RAB4A: variants seen among roughly 807,000 people sequenced by gnomAD.
RAB4A encodes the protein ras-related protein Rab-4A.
RAB4A carries 20 observed loss-of-function variants against 34.5 expected under a neutral mutation model. That is an observed-to-expected ratio of 0.58 (90% CI 0.41 to 0.84). RAB4A has a LOEUF of 0.84. Ranked by LOEUF, RAB4A falls within the 40% of genes least tolerant of loss-of-function variation. The probability of loss-of-function intolerance (pLI) is 0.00; values close to 1 mark genes in which losing one functional copy is unlikely to be tolerated. For missense variants in RAB4A, 228 were observed against 274.5 expected (o/e 0.83, Z 1.20); for synonymous variants, 102 against 100.0 (o/e 1.02, Z -0.12).
chr1:229,285,124 T>A (rs190942640), intron 1 of RAB4A, among the ~76,000 whole-genome samples: 86 of 152,244 alleles, frequency 5.6e-4, no homozygotes, highest in African/African-American at 2.0e-3. Context: ...CCCTCCTCAG[T>A]GTCGCAAGTG....
At chr1:229,296,507 C>G (rs1657252989) in intron 4 of RAB4A, among the ~76,000 whole-genome samples, 1 of 152,250 alleles carries the variant, frequency 6.6e-6, no homozygotes, top group South Asian at 2.1e-4. Context: ...CTCGATTGCA[C>G]TGGCCACATT....
In RAB4A at chr1:229,298,854, A is replaced by G. The variant is rs529403449; in HGVS notation, c.446-123A>G. 2.8e-5 allele frequency: 19 copies of G among 684,036 alleles called. No homozygotes were observed. The African/African-American group carries it at 3.3e-4, about 12-fold the overall frequency. 42.4% of individuals were successfully genotyped at this position (684,036 alleles called of 1,614,324 possible). A position where few individuals can be genotyped will look rare whatever the true frequency, so the allele number is the denominator to read the frequency against. ...ATTGATTTTATATTTACAGAAATAT[A>G]TGGTTTTAGGTCATAAATTATATTT... On this transcript the variant is annotated intron_variant, in intron 5 of 7. Coordinates refer to ENST00000366690, the MANE Select transcript of RAB4A (RefSeq NM_004578.4).
At chr1:229,284,691 G>T (rs1411171558) in intron 1 of RAB4A, among the ~76,000 whole-genome samples, 1 of 152,050 alleles carries the variant, frequency 6.6e-6, no homozygotes, top group African/African-American at 2.4e-5. Flanking sequence ...ATGTATTTAT[G>T]TGTAGATTTA....
chr1:229,285,251 C>T (rs1449516514), intron 1 of RAB4A, among the ~76,000 whole-genome samples: 1 of 152,142 alleles, frequency 6.6e-6, no homozygotes, highest in Non-Finnish European at 1.5e-5. Flanking sequence ...CTCAAACAAT[C>T]CTCCCTCCTT....
intron 1 of RAB4A, among the ~76,000 whole-genome samples, chr1:229,283,820 A>G (rs1452147404): frequency 6.6e-6 from 1 of 150,578 alleles, no homozygotes; most frequent in Non-Finnish European, 1.5e-5. Flanking sequence ...TCTGCCTCCC[A>G]GGTTCAAGCA....
chr1:229,289,529 G>A (rs1014644168), intron 3 of RAB4A, among the ~76,000 whole-genome samples: 1 of 152,164 alleles, frequency 6.6e-6, no homozygotes, highest in African/African-American at 2.4e-5. Flanking sequence ...AATAATTGAA[G>A]TTTGGCTGGG....
At position 229,271,168 on chromosome 1, in the gene RAB4A, A is replaced by G; in HGVS notation, c.-172A>G. ...GGTGGAGGGCCCTGCGCCTGCGCGG[A>G]GCTGGAGTCCGGCTGGGCCGCAGCC... On this transcript the variant is annotated 5_prime_UTR_variant, in exon 1 of 8. Transcript: ENST00000366690. The G allele has an allele frequency of 3.9e-6, 2 of 518,360 alleles. No individual in the cohort carries two copies. The highest frequency in any genetic ancestry group is 7.7e-5 in the South Asian group (1 of 12,910). 32.1% of individuals were successfully genotyped at this position (518,360 alleles called of 1,614,324 possible).
At chr1:229,298,229 T>C (rs1224534774) in intron 5 of RAB4A, among the ~76,000 whole-genome samples, 1 of 152,194 alleles carries the variant, frequency 6.6e-6, no homozygotes, top group Non-Finnish European at 1.5e-5. Context: ...AATCCTAATA[T>C]CAATATTTGG....
chr1:229,301,342 T>A (rs1451096746), intron 6 of RAB4A, among the ~76,000 whole-genome samples: 1 of 151,078 alleles, frequency 6.6e-6, no homozygotes, highest in Non-Finnish European at 1.5e-5. Context: ...GGGTGCTAGG[T>A]GAAGTAGGAG....
At chr1:229,284,868 TC>T (rs1231912753) in intron 1 of RAB4A, among the ~76,000 whole-genome samples, 1 of 152,204 alleles carries the variant, frequency 6.6e-6, no homozygotes, top group African/African-American at 2.4e-5. Context: ...TTAGATCGTT[TC>T]CTTCAATCCT....
chr1:229,296,069 T>C (rs1327672284), intron 4 of RAB4A, among the ~76,000 whole-genome samples, 159 bp downstream of exon 4: 1 of 152,210 alleles, frequency 6.6e-6, no homozygotes, highest in East Asian at 1.9e-4. Context: ...ATCTGGGGTC[T>C]CAGAGGTCTT....
At chr1:229,293,292 C>T (rs1657142284) in intron 3 of RAB4A, among the ~76,000 whole-genome samples, 1 of 152,112 alleles carries the variant, frequency 6.6e-6, no homozygotes, top group South Asian at 2.1e-4. Flanking sequence ...AAACATTATC[C>T]ATTGATGATT....
chr1:229,295,030 G>A (rs1014386869), intron 3 of RAB4A, among the ~76,000 whole-genome samples: 17 of 148,148 alleles, frequency 1.1e-4, no homozygotes, highest in South Asian at 2.1e-4. Flanking sequence ...TGGCATGATC[G>A]CTCACCGTCA....
At chr1:229,297,763 A>G (rs184208822) in intron 5 of RAB4A, 127 bp downstream of exon 5, 6 of 1,118,708 alleles carry the variant, frequency 5.4e-6, no homozygotes, top group Admixed American at 6.2e-5. Context: ...GGAATTTCCA[A>G]TTGTTTTTTT....
intron 1 of RAB4A, among the ~76,000 whole-genome samples, chr1:229,279,941 C>A (rs997106575): frequency 6.6e-6 from 1 of 152,150 alleles, no homozygotes. Flanking sequence ...ATTATTTAAC[C>A]AGTTGACACT....
In RAB4A at chr1:229,276,020, G is replaced by C. The variant is rs546513530; in HGVS notation, c.31+4650G>C. ...CAATTGCCCTTTACCTTAATTTCAT[G>C]AAAGATGGAACAGGTAAACATGTCA... On this transcript the variant is annotated intron_variant, in intron 1 of 7. Transcript: ENST00000366690. 9.2e-5 allele frequency among the ~76,000 whole-genome samples: 14 copies of C among 151,474 alleles called. No individual in the cohort carries two copies. In the South Asian group the frequency reaches 2.9e-3, roughly 31 times the overall value.
chr1:229,295,816 G>A, intron 3 of RAB4A, 32 bp from the exon 4 acceptor site: 1 of 1,612,066 alleles, frequency 6.2e-7, no homozygotes, highest in Non-Finnish European at 8.5e-7. Flanking sequence ...GGTCTCAATT[G>A]GTTGAAAGTA....
chr1:229,289,792 G>A (rs553474103), intron 3 of RAB4A, among the ~76,000 whole-genome samples: 77 of 152,216 alleles, frequency 5.1e-4, no homozygotes, highest in African/African-American at 1.9e-3. Context: ...CTCCAGCCTG[G>A]GCAACAAGAG....
At chr1:229,289,193 T>C (rs1372188855) in intron 3 of RAB4A, 1 of 189,024 alleles carries the variant, frequency 5.3e-6, no homozygotes, top group Admixed American at 6.3e-5. Context: ...AGAAGAACTT[T>C]TTAAAACCTT....
Sources: gnomAD v4.1 joint callset for allele counts (sites outside exome capture counted in the v4.1 genomes callset) on GRCh38, gnomAD v4.1.1 for gene constraint, MANE v1.5 for transcripts, NCBI Gene and HGNC (gene_info 2026-07-23, HGNC 2026-07-21) for gene names.